The following DOCK1 variants were observed in gnomAD, a reference collection of about 807,000 sequenced individuals.
DOCK1 encodes the protein dedicator of cytokinesis protein 1.
In DOCK1, 138 loss-of-function variants were observed where a neutral mutation model predicts 262.7. That is an observed-to-expected ratio of 0.53 (90% CI 0.46 to 0.61). DOCK1 has a LOEUF of 0.61. Ranked by LOEUF, DOCK1 falls within the 20% of genes least tolerant of loss-of-function variation. The probability of loss-of-function intolerance (pLI) is 0.00; values close to 1 mark genes in which losing one functional copy is unlikely to be tolerated. For synonymous variants in DOCK1, 866 were observed against 867.4 expected (o/e 1.00, Z 0.03); for missense variants, 1,908 against 2,370.7 (o/e 0.80, Z 4.05).
intron 27 of DOCK1, among the ~76,000 whole-genome samples, chr10:127,195,528 C>CA: frequency 6.6e-6 from 1 of 152,124 alleles, no homozygotes; most frequent in South Asian, 2.1e-4. Context: ...ACTCATCCCC[C>CA]CCCCGAAGTT....
At chr10:127,063,878 G>A (rs1235555185) in intron 23 of DOCK1, among the ~76,000 whole-genome samples, 4 of 152,180 alleles carry the variant, frequency 2.6e-5, no homozygotes, top group South Asian at 4.1e-4. Context: ...ATTGAGTGAC[G>A]TGTGTGCATT....
intron 1 of DOCK1, among the ~76,000 whole-genome samples, chr10:126,920,093 G>T (rs953326397): frequency 1.3e-5 from 2 of 152,280 alleles, no homozygotes; most frequent in South Asian, 4.2e-4. Context: ...GCTCCATCCC[G>T]ATGGGCTTCC....
chr10:126,989,205 A>C (rs539885644), intron 5 of DOCK1, among the ~76,000 whole-genome samples: 9 of 152,312 alleles, frequency 5.9e-5, no homozygotes, highest in African/African-American at 2.2e-4. Context: ...AACTCCTAGA[A>C]AGAAGGTTAA....
At chr10:127,206,190 C>T in intron 27 of DOCK1, among the ~76,000 whole-genome samples, 1 of 118,200 alleles carries the variant, frequency 8.5e-6, no homozygotes. Flanking sequence ...GTTGCCCAGG[C>T]TATAGTGCAG....
At chr10:127,399,113 C>T (rs928604804) in intron 38 of DOCK1, among the ~76,000 whole-genome samples, 1 of 152,070 alleles carries the variant, frequency 6.6e-6, no homozygotes, top group Non-Finnish European at 1.5e-5. Flanking sequence ...GTGGGGAGAC[C>T]GTGCTCCGTG....
At chr10:127,193,570 C>T (rs533786505) in intron 27 of DOCK1, among the ~76,000 whole-genome samples, 4 of 152,240 alleles carry the variant, frequency 2.6e-5, no homozygotes, top group African/African-American at 4.8e-5. Context: ...CATGGCTGGG[C>T]GCAAACAAGA....
rs571329753 is a variant in DOCK1, at chr10:127,080,559, G to T, written c.2445+18783G>T. Among the ~76,000 whole-genome samples, 8 of 152,084 alleles carry T rather than the reference G, an allele frequency of 5.3e-5. No individual in the cohort carries two copies. The East Asian group carries it at 1.6e-3, about 30-fold the overall frequency. Reference sequence around the variant, plus strand: ...AAATGTCACGTCGCCTGGAGCTGTTGGGGTAGTGTGGTTGTGGTCCTTTGG... The same window carrying T: ...AAATGTCACGTCGCCTGGAGCTGTTTGGGTAGTGTGGTTGTGGTCCTTTGG... On this transcript the variant is annotated intron_variant, in intron 23 of 51. Coordinates refer to ENST00000623213, the MANE Select transcript of DOCK1 (RefSeq NM_001290223.2).
intron 1 of DOCK1, among the ~76,000 whole-genome samples, chr10:126,944,436 T>C (rs1343339400): frequency 6.6e-6 from 1 of 151,962 alleles, no homozygotes; most frequent in Non-Finnish European, 1.5e-5. Context: ...GTTGGGTGGC[T>C]GGAGCAGTTT....
chr10:126,948,550 C>T (rs2035825797), intron 1 of DOCK1, among the ~76,000 whole-genome samples: 2 of 151,782 alleles, frequency 1.3e-5, no homozygotes, highest in African/African-American at 2.4e-5. Context: ...CTCTTTTTTA[C>T]GTGGGGTGGG....
chr10:127,035,967 A>C (rs1474716751), intron 18 of DOCK1, among the ~76,000 whole-genome samples: 1 of 151,684 alleles, frequency 6.6e-6, no homozygotes, highest in Non-Finnish European at 1.5e-5. Flanking sequence ...GTGCTCCTGC[A>C]CCCCAGCCTG....
chr10:126,906,372 C>G (rs1282644241), intron 1 of DOCK1, among the ~76,000 whole-genome samples: 1 of 152,206 alleles, frequency 6.6e-6, no homozygotes, highest in Non-Finnish European at 1.5e-5. Flanking sequence ...CCTTGCGCCC[C>G]GGGGACCCGC....
chr10:127,398,621 C>T lies in DOCK1; in HGVS notation c.3928-4434C>T, dbSNP rs72842988. 2.1e-3 allele frequency among the ~76,000 whole-genome samples: 313 copies of T among 152,312 alleles called. 2 individuals are homozygous for T. Among genetic ancestry groups the T allele is most frequent in the Admixed American group, 0.012 (189 of 15,300 alleles). Reference sequence around the variant, plus strand: ...AGGTAATTGAGTATGACTCTTTTCCCAATAACTGCTGTGAAAAAACAGAAC... The same window carrying T: ...AGGTAATTGAGTATGACTCTTTTCCTAATAACTGCTGTGAAAAAACAGAAC... On this transcript the variant is annotated intron_variant, in intron 38 of 51. Coordinates refer to ENST00000623213, the MANE Select transcript of DOCK1 (RefSeq NM_001290223.2).
chr10:127,438,266 A>T (rs975670809), intron 48 of DOCK1, among the ~76,000 whole-genome samples: 1 of 152,226 alleles, frequency 6.6e-6, no homozygotes, highest in Non-Finnish European at 1.5e-5. Context: ...ATATGCTTGC[A>T]CACTAACCTT....
At chr10:127,231,012 A>G (rs766088155) in intron 27 of DOCK1, among the ~76,000 whole-genome samples, 1 of 151,734 alleles carries the variant, frequency 6.6e-6, no homozygotes, top group Non-Finnish European at 1.5e-5. Flanking sequence ...CAGTGTACAG[A>G]TCTCTCTCTT....
At chr10:127,286,391 T>C (rs1486399734) in intron 29 of DOCK1, among the ~76,000 whole-genome samples, 1 of 152,222 alleles carries the variant, frequency 6.6e-6, no homozygotes, top group African/African-American at 2.4e-5. Context: ...AGGTAACATA[T>C]CTTTTTCTCC....
chr10:127,429,863 C>T (rs77856659), intron 47 of DOCK1, among the ~76,000 whole-genome samples: 2,060 of 152,196 alleles, frequency 0.014, 38 homozygotes, highest in African/African-American at 0.043. Context: ...CAGCCCACAG[C>T]GTGCAGGAGG....
At chr10:127,186,040 TAAC>T (rs1367030811) in intron 27 of DOCK1, among the ~76,000 whole-genome samples, 1 of 152,334 alleles carries the variant, frequency 6.6e-6, no homozygotes, top group Admixed American at 6.5e-5. Flanking sequence ...TAGCTTGGAA[TAAC>T]AACGTTTTAG....
intron 29 of DOCK1, among the ~76,000 whole-genome samples, chr10:127,300,777 T>G (rs962510982): frequency 6.6e-6 from 1 of 152,158 alleles, no homozygotes; most frequent in African/African-American, 2.4e-5. Context: ...GGCCTGCCTG[T>G]CCTCCCGAGA....
chr10:126,951,621 A>G (rs886971142), intron 1 of DOCK1, among the ~76,000 whole-genome samples: 17 of 150,888 alleles, frequency 1.1e-4, no homozygotes, highest in East Asian at 3.9e-4. Flanking sequence ...TGGTGGTGGT[A>G]TTGTTGGTGG....
Sources: gnomAD v4.1 joint callset for allele counts (sites outside exome capture counted in the v4.1 genomes callset) on GRCh38, gnomAD v4.1.1 for gene constraint, MANE v1.5 for transcripts, NCBI Gene and HGNC (gene_info 2026-07-23, HGNC 2026-07-21) for gene names.